PDXDC1: variants seen among roughly 807,000 people sequenced by gnomAD.
PDXDC1 encodes pyridoxal-dependent decarboxylase domain-containing protein 1.
In PDXDC1, 42 loss-of-function variants were observed where a neutral mutation model predicts 100.1. The ratio of observed to expected loss-of-function variants is 0.42; its 90% CI spans 0.33 to 0.54. PDXDC1 has a LOEUF of 0.54. Ranked by LOEUF, PDXDC1 falls within the 20% of genes least tolerant of loss-of-function variation. PDXDC1 has a pLI of 0.10. For synonymous variants in PDXDC1, 260 were observed against 371.7 expected (o/e 0.70, Z 3.46); for missense variants, 636 against 979.2 (o/e 0.65, Z 4.68).
At chr16:15,001,207 G>A (rs1200026099) in intron 3 of PDXDC1, among the ~76,000 whole-genome samples, 8 of 152,240 alleles carry the variant, frequency 5.3e-5, no homozygotes, top group Admixed American at 3.3e-4. Context: ...ATAAAAAAAC[G>A]GCTGGGCGTG....
chr16:15,041,788 C>T (rs1303565389), downstream of PDXDC1: 3 of 778,424 alleles, frequency 3.9e-6, no homozygotes, highest in Non-Finnish European at 6.9e-6. Context: ...GTGTGCTCCG[C>T]CCTACAGCCC....
At chr16:15,045,031 G>C (rs2043987613) in intron 16 of PDXDC1, 1 of 152,448 alleles carries the variant, frequency 6.6e-6, no homozygotes, top group Non-Finnish European at 1.5e-5. Context: ...GGCTAAGGCA[G>C]GAGAACTGCT....
At chr16:15,133,278 T>C (rs2048195854) in intron 16 of PDXDC1, 6 of 1,582,122 alleles carry the variant, frequency 3.8e-6, no homozygotes, top group South Asian at 1.1e-5. Flanking sequence ...TTCAGGACGG[T>C]GACCAGGGCC....
chr16:15,034,440 C>G lies in PDXDC1; in HGVS notation c.1906-17C>G. ...CCGTGAGGCCAGGTGGCCCTGAACT[C>G]TGGTCCTGTCTTGCAGGGGGTGTTG... On this transcript the variant is annotated splice_polypyrimidine_tract_variant and intron_variant, in intron 20 of 22. Transcript: ENST00000396410. 1.9e-6 allele frequency: 3 copies of G among 1,613,916 alleles called. No individual in the cohort carries two copies. The highest frequency in any genetic ancestry group is 2.5e-6 in the Non-Finnish European group (3 of 1,179,870).
chr16:15,114,937 T>G (rs1201131923), intron 16 of PDXDC1, among the ~76,000 whole-genome samples: 1 of 146,454 alleles, frequency 6.8e-6, no homozygotes, highest in East Asian at 2.0e-4. Flanking sequence ...ATTTTTTTTT[T>G]TTTTTTTTTT....
Position 15,033,352 on chromosome 16 carries a change from G to C in PDXDC1, c.1765G>C (p.Val589Leu), listed in dbSNP as rs1287145272. Residue 589 changes from valine to leucine, a missense_variant, in exon 19 of 23, where the codon GTG (valine) becomes CTG (leucine). Val to Leu is a conservative substitution (Grantham distance 32). Transcript: ENST00000396410. Reference sequence around the variant, plus strand: ...CGACAACGTCGATGCTGCTGAGCTCGTGGAGACCATTGCGGCCACAGCCCG... The same window carrying C: ...CGACAACGTCGATGCTGCTGAGCTCCTGGAGACCATTGCGGCCACAGCCCG... ...ASDNVDAAEL[V>L]ETIAATAREI... 1.2e-6 allele frequency: 2 copies of C among 1,614,068 alleles called. No homozygotes were observed. Among genetic ancestry groups the C allele is most frequent in the Non-Finnish European group, 1.7e-6 (2 of 1,180,030 alleles).
At chr16:15,079,299 C>T (rs1174366326) in intron 16 of PDXDC1, among the ~76,000 whole-genome samples, 2 of 152,168 alleles carry the variant, frequency 1.3e-5, no homozygotes, top group African/African-American at 2.4e-5. Flanking sequence ...CACCTTAGTG[C>T]GGGCCTCCTT....
At chr16:15,123,067 T>C (rs2047516938) in intron 16 of PDXDC1, among the ~76,000 whole-genome samples, 2 of 150,254 alleles carry the variant, frequency 1.3e-5, no homozygotes, top group South Asian at 2.1e-4. Flanking sequence ...TAGGAGCAAT[T>C]AGAGGGAGAC....
chr16:14,995,808 A>G (rs924634391), intron 1 of PDXDC1, among the ~76,000 whole-genome samples: 3 of 152,290 alleles, frequency 2.0e-5, no homozygotes, highest in Non-Finnish European at 4.4e-5. Context: ...AATTATTGCC[A>G]CAATTTCAGA....
At chr16:15,003,737 C>CT (rs1856610456) in intron 4 of PDXDC1, among the ~76,000 whole-genome samples, 2 of 152,222 alleles carry the variant, frequency 1.3e-5, no homozygotes, top group South Asian at 4.1e-4. Context: ...AATCCCAGCA[C>CT]TTTGGGAGGC....
chr16:15,047,014 A>G (rs997420525), intron 16 of PDXDC1, among the ~76,000 whole-genome samples: 1 of 152,126 alleles, frequency 6.6e-6, no homozygotes, highest in African/African-American at 2.4e-5. Context: ...GCTTCGGAAT[A>G]CAAACACCTT....
chr16:14,974,932 C>T (rs1440035058), upstream of PDXDC1: 3 of 1,535,120 alleles, frequency 2.0e-6, no homozygotes, highest in South Asian at 2.4e-5. Flanking sequence ...CATCCTCCCC[C>T]CTTCACCTGC....
chr16:15,122,777 G>T (rs1285383025), intron 16 of PDXDC1, among the ~76,000 whole-genome samples: 1 of 142,852 alleles, frequency 7.0e-6, no homozygotes, highest in African/African-American at 2.6e-5. Context: ...GCTTAGGGCA[G>T]GGGGGAGGGA....
chr16:14,997,904 A>C, intron 2 of PDXDC1, 78 bp downstream of exon 2: 1 of 1,480,630 alleles, frequency 6.8e-7, no homozygotes, highest in African/African-American at 1.4e-5. Context: ...TTTCTGTTAA[A>C]GGTGCCTCTT....
chr16:15,023,730 A>G (rs2042376128), intron 13 of PDXDC1, among the ~76,000 whole-genome samples: 2 of 152,292 alleles, frequency 1.3e-5, no homozygotes, highest in South Asian at 4.1e-4. Flanking sequence ...GTCTGGAGCC[A>G]GTTGACCCGA....
At chr16:15,126,142 G>C (rs1476039022) in intron 16 of PDXDC1, among the ~76,000 whole-genome samples, 2 of 151,618 alleles carry the variant, frequency 1.3e-5, no homozygotes, top group Non-Finnish European at 2.9e-5. Flanking sequence ...TCAGGCGATT[G>C]TCCTGGCTCA....
intron 16 of PDXDC1, among the ~76,000 whole-genome samples, chr16:15,095,840 CTG>C (rs1285844191): frequency 1.4e-5 from 2 of 143,334 alleles, no homozygotes; most frequent in South Asian, 2.3e-4. Flanking sequence ...ACGAGTGAAA[CTG>C]TGTCTCAAAA....
intron 14 of PDXDC1, among the ~76,000 whole-genome samples, chr16:15,027,384 C>T (rs573486970): frequency 4.4e-3 from 673 of 152,130 alleles, no homozygotes; most frequent in African/African-American, 0.015. Context: ...AAGGCTCCAG[C>T]GGGCATGTGT....
chr16:15,052,884 C>G (rs1242090084), intron 16 of PDXDC1, among the ~76,000 whole-genome samples: 1 of 152,092 alleles, frequency 6.6e-6, no homozygotes, highest in Non-Finnish European at 1.5e-5. Flanking sequence ...CTGCGAGCAT[C>G]TTGTAGACTC....
Sources: gnomAD v4.1 joint callset for allele counts (sites outside exome capture counted in the v4.1 genomes callset) on GRCh38, gnomAD v4.1.1 for gene constraint, MANE v1.5 for transcripts, NCBI Gene and HGNC (gene_info 2026-07-23, HGNC 2026-07-21) for gene names.